RASAL2: variants seen among roughly 807,000 people sequenced by gnomAD.
The protein encoded by RASAL2 is RAS protein activator like 2.
Under a neutral mutation model 128.9 loss-of-function variants are expected in RASAL2, and 58 were observed. That is an observed-to-expected ratio of 0.45 (90% CI 0.36 to 0.56). The LOEUF is 0.56. RASAL2 is among the 20% of genes least tolerant of loss of function. The pLI, the probability that RASAL2 is intolerant of heterozygous loss-of-function variation, is 0.00. For missense variants in RASAL2, 1,360 were observed against 1,601.6 expected, an observed-to-expected ratio of 0.85 and a Z score of 2.57; for synonymous variants, 561 against 580.8, an observed-to-expected ratio of 0.97 and a Z score of 0.49.
At chr1:178,469,765 A>T (rs150156461) in intron 17 of RASAL2, among the ~76,000 whole-genome samples, 76 of 152,316 alleles carry the variant, frequency 5.0e-4, no homozygotes, top group African/African-American at 1.3e-3. Context: ...AACAGCAAGG[A>T]CCACACTCTC....
intron 1 of RASAL2, among the ~76,000 whole-genome samples, chr1:178,242,614 ATC>A (rs1664567020): frequency 6.6e-6 from 1 of 152,030 alleles, no homozygotes; most frequent in African/African-American, 2.4e-5. Flanking sequence ...ACATTCTTGA[ATC>A]TGTAGGTTTA....
chr1:178,114,166 G>T (rs1659442312), intron 1 of RASAL2, among the ~76,000 whole-genome samples: 1 of 151,914 alleles, frequency 6.6e-6, no homozygotes, highest in African/African-American at 2.4e-5. Flanking sequence ...TTGTAATCAG[G>T]ATACCTTTTA....
intron 1 of RASAL2, among the ~76,000 whole-genome samples, chr1:178,138,576 T>C (rs1660414185): frequency 1.3e-5 from 2 of 152,260 alleles, no homozygotes; most frequent in African/African-American, 4.8e-5. Context: ...CTCTCATCTC[T>C]AAAATGGTAT....
chr1:178,143,312 T>A (rs1660602048), intron 1 of RASAL2, among the ~76,000 whole-genome samples: 1 of 152,042 alleles, frequency 6.6e-6, no homozygotes, highest in Non-Finnish European at 1.5e-5. Flanking sequence ...TTTTCATGGC[T>A]AAGATTTTTA....
chr1:178,369,618 TTAAAA>T (rs1254220228), intron 3 of RASAL2, among the ~76,000 whole-genome samples: 1 of 152,204 alleles, frequency 6.6e-6, no homozygotes, highest in East Asian at 1.9e-4. Flanking sequence ...GTTTTCTTTG[TTAAAA>T]TAAATAAGAG....
intron 3 of RASAL2, among the ~76,000 whole-genome samples, chr1:178,314,198 C>T (rs1404857940): frequency 2.0e-5 from 3 of 152,130 alleles, no homozygotes; most frequent in African/African-American, 4.8e-5. Context: ...CCTTTGCTCA[C>T]GTGAGAAGAT....
At chr1:178,251,796 A>G (rs1316281606) in intron 1 of RASAL2, among the ~76,000 whole-genome samples, 4 of 152,176 alleles carry the variant, frequency 2.6e-5, no homozygotes, top group African/African-American at 9.6e-5. Flanking sequence ...TAAAAACATA[A>G]CTATTTACTT....
chr1:178,120,311 G>C (rs1659670061), intron 1 of RASAL2, among the ~76,000 whole-genome samples: 1 of 152,170 alleles, frequency 6.6e-6, no homozygotes, highest in South Asian at 2.1e-4. Context: ...AGAGTCCCCT[G>C]CTGTTTCACC....
At position 178,213,525 on chromosome 1, in the gene RASAL2, A is replaced by G. The variant is rs80100301; in HGVS notation, c.203-70039A>G. On this transcript the variant is annotated intron_variant, in intron 1 of 17. Coordinates refer to ENST00000367649, the MANE Select transcript of RASAL2 (RefSeq NM_170692.4). The stretch of plus-strand genomic sequence containing the variant: ...TCATCAACAGTGGAACAGTTAAATT[A>G]TGATACGATGAAATACATGGCAACA... Among the ~76,000 whole-genome samples the G allele has an allele frequency of 6.0e-3, 916 of 152,366 alleles. 9 individuals carry two copies. Among genetic ancestry groups the G allele is most frequent in the African/African-American group, 0.021 (867 of 41,580 alleles).
chr1:178,128,772 T>C (rs74829108), intron 1 of RASAL2, among the ~76,000 whole-genome samples: 1 of 152,250 alleles, frequency 6.6e-6, no homozygotes, highest in East Asian at 1.9e-4. Flanking sequence ...TTTCAATACA[T>C]AGAATCATAA....
At chr1:178,304,238 A>C (rs143279245) in intron 3 of RASAL2, among the ~76,000 whole-genome samples, 60 of 152,268 alleles carry the variant, frequency 3.9e-4, no homozygotes, top group African/African-American at 1.3e-3. Flanking sequence ...AACGAAAATC[A>C]TTAGGCCAGG....
At chr1:178,236,162 G>C (rs1004482459) in intron 1 of RASAL2, among the ~76,000 whole-genome samples, 3 of 152,064 alleles carry the variant, frequency 2.0e-5, no homozygotes, top group Non-Finnish European at 4.4e-5. Flanking sequence ...TAGGTGCAAA[G>C]GATCTGACCC....
chr1:178,450,314 G>A (rs924771963), intron 9 of RASAL2, among the ~76,000 whole-genome samples: 3 of 152,108 alleles, frequency 2.0e-5, no homozygotes, highest in African/African-American at 7.2e-5. Flanking sequence ...AAACAAGACA[G>A]CTGAAACTCA....
At chr1:178,464,832 T>TG (rs1491403126) in intron 15 of RASAL2, among the ~76,000 whole-genome samples, 1 of 84,180 alleles carries the variant, frequency 1.2e-5, no homozygotes, top group Non-Finnish European at 2.3e-5. Context: ...GTTTTAGTTG[T>TG]TTTTTTTTTT....
intron 3 of RASAL2, among the ~76,000 whole-genome samples, chr1:178,379,788 G>C (rs1250540768): frequency 6.6e-6 from 1 of 152,002 alleles, no homozygotes; most frequent in Non-Finnish European, 1.5e-5. Context: ...TTTCCTTTTG[G>C]GGATGTATAA....
intron 1 of RASAL2, among the ~76,000 whole-genome samples, chr1:178,114,193 A>C (rs1432759196): frequency 1.3e-5 from 2 of 152,084 alleles, no homozygotes; most frequent in Admixed American, 1.3e-4. Context: ...GCTTGATTAC[A>C]TTGGCTAGAA....
chr1:178,152,180 T>C (rs1250902660), intron 1 of RASAL2, among the ~76,000 whole-genome samples: 1 of 152,124 alleles, frequency 6.6e-6, no homozygotes, highest in East Asian at 1.9e-4. Flanking sequence ...AAGTAGAGGC[T>C]GGAGATTGAG....
intron 5 of RASAL2, among the ~76,000 whole-genome samples, chr1:178,423,827 A>T (rs193057002): frequency 6.6e-6 from 1 of 151,820 alleles, no homozygotes; most frequent in Non-Finnish European, 1.5e-5. Context: ...CCATTTTTCT[A>T]TTGAGTTGTT....
At chr1:178,168,458 A>G (rs1157253782) in intron 1 of RASAL2, among the ~76,000 whole-genome samples, 4 of 151,936 alleles carry the variant, frequency 2.6e-5, no homozygotes, top group Non-Finnish European at 5.9e-5. Context: ...TGTTTTTTGT[A>G]AAGTACTTCA....
Sources: gnomAD v4.1 joint callset for allele counts (sites outside exome capture counted in the v4.1 genomes callset) on GRCh38, gnomAD v4.1.1 for gene constraint, MANE v1.5 for transcripts, NCBI Gene and HGNC (gene_info 2026-07-23, HGNC 2026-07-21) for gene names.